Variants in MOB3B observed in about 807,000 individuals in gnomAD.
The protein encoded by MOB3B is MOB kinase activator 3B.
Under a neutral mutation model 18.7 loss-of-function variants are expected in MOB3B, and 7 were observed. That is an observed-to-expected ratio of 0.37 (90% CI 0.21 to 0.70). The LOEUF (loss-of-function observed/expected upper bound fraction) is 0.70, where lower values mean the gene tolerates loss of function less well. Ranked by LOEUF, MOB3B falls within the 30% of genes least tolerant of loss-of-function variation. The probability of loss-of-function intolerance (pLI) is 0.52; values close to 1 mark genes in which losing one functional copy is unlikely to be tolerated. For synonymous variants in MOB3B, 111 were observed against 99.9 expected (o/e 1.11, Z -0.66); for missense variants, 253 against 281.3 (o/e 0.90, Z 0.72).
At chr9:27,383,623 A>T (rs1174502417) in intron 2 of MOB3B, among the ~76,000 whole-genome samples, 2 of 152,166 alleles carry the variant, frequency 1.3e-5, no homozygotes, top group African/African-American at 2.4e-5. Flanking sequence ...TAGAGGGATA[A>T]CTAGTCCTAG....
At chr9:27,431,019 T>A (rs779058269) in intron 2 of MOB3B, among the ~76,000 whole-genome samples, 10 of 152,250 alleles carry the variant, frequency 6.6e-5, no homozygotes, top group East Asian at 1.9e-4. Flanking sequence ...AGACATTTTT[T>A]AAAACAGGTT....
At chr9:27,399,569 C>A (rs1354697837) in intron 2 of MOB3B, among the ~76,000 whole-genome samples, 1 of 152,122 alleles carries the variant, frequency 6.6e-6, no homozygotes, top group African/African-American at 2.4e-5. Flanking sequence ...ATTTCAGACA[C>A]CCAGGTGGAC....
chr9:27,462,661 C>A (rs1055631876), intron 1 of MOB3B, among the ~76,000 whole-genome samples: 1 of 152,138 alleles, frequency 6.6e-6, no homozygotes, highest in Non-Finnish European at 1.5e-5. Context: ...GTATGTCAAT[C>A]CTTTCTTGGA....
chr9:27,406,481 C>T (rs984077114), intron 2 of MOB3B, among the ~76,000 whole-genome samples: 15 of 152,318 alleles, frequency 9.8e-5, no homozygotes, highest in Middle Eastern at 3.4e-3. Context: ...ACACTGACTT[C>T]AAATTATGCT....
rs747888385 is a variant in MOB3B at position 27,455,120 on chromosome 9, G to T, written c.418+13C>A. The T allele has an allele frequency of 6.2e-7, 1 of 1,613,966 alleles. No individual in the cohort carries two copies. The highest frequency in any genetic ancestry group is 2.2e-5 in the East Asian group (1 of 44,880). On this transcript the variant is annotated intron_variant, in intron 2 of 3. Coordinates refer to ENST00000262244, the MANE Select transcript of MOB3B (RefSeq NM_024761.5). ...CAGGTGACAAAAAAACTGAGAGCTGGTAATGAACTTACCCACGCATGTTGG... is the reference window on the plus strand; with the variant it reads ...CAGGTGACAAAAAAACTGAGAGCTGTTAATGAACTTACCCACGCATGTTGG...
At chr9:27,353,786 C>A (rs13288333) in intron 3 of MOB3B, among the ~76,000 whole-genome samples, 5,498 of 152,230 alleles carry the variant, frequency 0.036, 161 homozygotes, top group East Asian at 0.11. Context: ...AGTGAAAGGC[C>A]AACAAAACAC....
chr9:27,523,464 C>CAAAAAAA (rs55637136), intron 1 of MOB3B, among the ~76,000 whole-genome samples: 4 of 141,676 alleles, frequency 2.8e-5, no homozygotes, highest in Non-Finnish European at 4.6e-5. Flanking sequence ...TAAACTGCAC[C>CAAAAAAA]AAAAAAAAAA....
chr9:27,476,471 C>T (rs1402317302), intron 1 of MOB3B, among the ~76,000 whole-genome samples: 1 of 152,208 alleles, frequency 6.6e-6, no homozygotes, highest in Non-Finnish European at 1.5e-5. Context: ...TCCAAATTTT[C>T]CCTTTTTATG....
At chr9:27,378,514 A>G (rs961382322) in intron 2 of MOB3B, 1 of 471,104 alleles carries the variant, frequency 2.1e-6, no homozygotes, top group Admixed American at 2.3e-5. Flanking sequence ...TTAGTCCCAG[A>G]ACTATTGGAA....
chr9:27,443,104 A>G (rs1408825907), intron 2 of MOB3B, among the ~76,000 whole-genome samples: 1 of 152,222 alleles, frequency 6.6e-6, no homozygotes, highest in Non-Finnish European at 1.5e-5. Flanking sequence ...CACTAAATAT[A>G]GGGTGAAGCC....
At chr9:27,367,720 G>C (rs1415800047) in intron 2 of MOB3B, among the ~76,000 whole-genome samples, 3 of 152,166 alleles carry the variant, frequency 2.0e-5, no homozygotes, top group African/African-American at 7.2e-5. Context: ...CCAAGACAGG[G>C]GTGGCAGGAG....
At chr9:27,471,868 A>G (rs932158751) in intron 1 of MOB3B, among the ~76,000 whole-genome samples, 1 of 152,190 alleles carries the variant, frequency 6.6e-6, no homozygotes. Flanking sequence ...AGTGGGTTAT[A>G]CCTTGCAGGA....
intron 2 of MOB3B, chr9:27,421,262 T>A (rs1489098607): frequency 6.6e-6 from 1 of 152,212 alleles, no homozygotes; most frequent in East Asian, 1.9e-4. Flanking sequence ...GGCTAATTTT[T>A]GTATTTTTAG....
chr9:27,402,416 G>C (rs1587184643), intron 2 of MOB3B, among the ~76,000 whole-genome samples: 1 of 152,148 alleles, frequency 6.6e-6, no homozygotes, highest in African/African-American at 2.4e-5. Context: ...TTTTTTGAAT[G>C]AATTAATGTG....
chr9:27,511,259 C>T (rs1187425186), intron 1 of MOB3B, among the ~76,000 whole-genome samples: 1 of 151,862 alleles, frequency 6.6e-6, no homozygotes, highest in Non-Finnish European at 1.5e-5. Flanking sequence ...CACTCAGAAC[C>T]CTTTATTTTA....
At chr9:27,413,966 TG>T (rs1031007807) in intron 2 of MOB3B, among the ~76,000 whole-genome samples, 1 of 152,216 alleles carries the variant, frequency 6.6e-6, no homozygotes, top group African/African-American at 2.4e-5. Flanking sequence ...AGGCGAGTGC[TG>T]GAATCTGAGA....
At chr9:27,462,810 T>C (rs1006121605) in intron 1 of MOB3B, among the ~76,000 whole-genome samples, 2 of 152,230 alleles carry the variant, frequency 1.3e-5, no homozygotes, top group Non-Finnish European at 2.9e-5. Context: ...TGAGAACTTA[T>C]GTATGACATC....
intron 3 of MOB3B, among the ~76,000 whole-genome samples, chr9:27,345,539 A>G (rs1410961720): frequency 6.6e-6 from 1 of 152,116 alleles, no homozygotes; most frequent in Non-Finnish European, 1.5e-5. Flanking sequence ...CCCTGAAACT[A>G]TTAGTTGAGT....
At chr9:27,381,080 C>T (rs530089189) in intron 2 of MOB3B, among the ~76,000 whole-genome samples, 1 of 152,304 alleles carries the variant, frequency 6.6e-6, no homozygotes, top group African/African-American at 2.4e-5. Context: ...AGACATGCAG[C>T]TGAGATCAGT....
Sources: allele counts gnomAD v4.1 joint callset (sites outside exome capture counted in the v4.1 genomes callset), GRCh38; gene constraint gnomAD v4.1.1; transcripts MANE v1.5; gene names NCBI Gene and HGNC (gene_info 2026-07-23, HGNC 2026-07-21).